The following TBL1XR1 variants were observed in gnomAD, a reference collection of about 807,000 sequenced individuals.
TBL1XR1 encodes the protein F-box-like/WD repeat-containing protein TBL1XR1.
TBL1XR1 carries 5 observed loss-of-function variants against 66.9 expected under a neutral mutation model. The ratio of observed to expected loss-of-function variants is 0.07; its 90% confidence interval spans 0.04 to 0.16. The LOEUF (loss-of-function observed/expected upper bound fraction) is 0.16, where lower values mean the gene tolerates loss of function less well. Among genes scored for constraint, TBL1XR1 ranks in the 10% least tolerant of loss-of-function variants. TBL1XR1 has a pLI of 1.00. For synonymous variants in TBL1XR1, 210 were observed against 206.0 expected, an observed-to-expected ratio of 1.02 and a Z score of -0.17; for missense variants, 238 against 623.2, an observed-to-expected ratio of 0.38 and a Z score of 6.58.
intron 1 of TBL1XR1, among the ~76,000 whole-genome samples, chr3:177,157,790 G>A (rs910164396): frequency 3.3e-5 from 5 of 152,166 alleles, no homozygotes; most frequent in Non-Finnish European, 7.4e-5. Context: ...GCGTGCCAAA[G>A]GGGACTAACT....
At chr3:177,054,273 G>C (rs1038652989) in intron 3 of TBL1XR1, among the ~76,000 whole-genome samples, 4 of 148,044 alleles carry the variant, frequency 2.7e-5, no homozygotes, top group African/African-American at 1.0e-4. Flanking sequence ...TAATTAAATT[G>C]CTTCATTTAA....
At chr3:177,180,759 G>A (rs1475374660) in intron 1 of TBL1XR1, among the ~76,000 whole-genome samples, 2 of 149,946 alleles carry the variant, frequency 1.3e-5, no homozygotes, top group Non-Finnish European at 3.0e-5. Flanking sequence ...TTTTTGAGAC[G>A]GAGATTTGCT....
At chr3:177,057,340 G>A (rs1717933597) in intron 3 of TBL1XR1, among the ~76,000 whole-genome samples, 1 of 152,188 alleles carries the variant, frequency 6.6e-6, no homozygotes, top group African/African-American at 2.4e-5. Context: ...GTTATCAACT[G>A]TGTGGCTATG....
chr3:177,035,778 C>G (rs762197355), intron 12 of TBL1XR1, among the ~76,000 whole-genome samples: 15 of 152,192 alleles, frequency 9.9e-5, no homozygotes, highest in Non-Finnish European at 1.8e-4. Flanking sequence ...AGTACACTAA[C>G]ACACAGATAT....
intron 2 of TBL1XR1, among the ~76,000 whole-genome samples, chr3:177,081,583 C>T (rs1721394967): frequency 1.3e-5 from 2 of 152,018 alleles, no homozygotes; most frequent in South Asian, 2.1e-4. Flanking sequence ...GACCTAATCT[C>T]TACAAAGAGT....
At chr3:177,166,334 A>G (rs1375744020) in intron 1 of TBL1XR1, among the ~76,000 whole-genome samples, 1 of 152,226 alleles carries the variant, frequency 6.6e-6, no homozygotes, top group Non-Finnish European at 1.5e-5. Context: ...AAATAGGCCA[A>G]GAATATTAAA....
At chr3:177,122,662 G>A (rs1437333502) in intron 1 of TBL1XR1, among the ~76,000 whole-genome samples, 1 of 152,070 alleles carries the variant, frequency 6.6e-6, no homozygotes, top group Non-Finnish European at 1.5e-5. Context: ...TGGATCAATG[G>A]CTTCTAGCAG....
intron 14 of TBL1XR1, among the ~76,000 whole-genome samples, chr3:177,031,391 G>T (rs1218480035): frequency 6.6e-6 from 1 of 150,726 alleles, no homozygotes; most frequent in African/African-American, 2.4e-5. Flanking sequence ...CTGGAGTGCC[G>T]TGGTGTGATC....
intron 1 of TBL1XR1, among the ~76,000 whole-genome samples, chr3:177,181,383 G>C (rs1734799999): frequency 6.6e-6 from 1 of 151,790 alleles, no homozygotes; most frequent in Non-Finnish European, 1.5e-5. Context: ...AGGAGGCTGA[G>C]GCATGAGAAT....
chr3:177,189,380 G>A (rs1735832261), intron 1 of TBL1XR1, among the ~76,000 whole-genome samples: 1 of 152,070 alleles, frequency 6.6e-6, no homozygotes, highest in Non-Finnish European at 1.5e-5. Context: ...AGCTGGGCGT[G>A]GTGGTACACG....
At chr3:177,200,263 T>A (rs1160715891), upstream of TBL1XR1, among the ~76,000 whole-genome samples, 7 of 152,168 alleles carry the variant, frequency 4.6e-5, no homozygotes, top group Admixed American at 4.6e-4. Flanking sequence ...TGAGCCACTG[T>A]GCCCGGCAGC....
intron 1 of TBL1XR1, among the ~76,000 whole-genome samples, chr3:177,130,172 A>G (rs1728129108): frequency 6.6e-6 from 1 of 151,556 alleles, no homozygotes; most frequent in Non-Finnish European, 1.5e-5. Context: ...AGAAAGAAAA[A>G]GAATAAATAA....
chr3:177,158,219 TGTTTC>T (rs370855051), intron 1 of TBL1XR1, among the ~76,000 whole-genome samples: 14 of 123,180 alleles, frequency 1.1e-4, no homozygotes, highest in African/African-American at 5.5e-5. Flanking sequence ...ATATAGGATT[TGTTTC>T]TTTTCTTTTT....
rs182501197 is a variant in TBL1XR1, at chr3:177,122,434, G to A, written c.-121-23893C>T. Reference sequence around the variant, plus strand: ...AAGTTCAGCATGTACCCTGAAAATTGCAAAGTAATGACCGAAATCCCTTAA... The same window carrying A: ...AAGTTCAGCATGTACCCTGAAAATTACAAAGTAATGACCGAAATCCCTTAA... On this transcript the variant is annotated intron_variant, in intron 1 of 15. Transcript: ENST00000457928. Among the ~76,000 whole-genome samples, 17 of 152,210 alleles carry A rather than the reference G, an allele frequency of 1.1e-4. No homozygotes were observed. In the East Asian group the frequency reaches 3.1e-3, roughly 28 times the overall value.
At chr3:177,098,163 G>C (rs908799480) in intron 2 of TBL1XR1, among the ~76,000 whole-genome samples, 2 of 151,960 alleles carry the variant, frequency 1.3e-5, no homozygotes, top group African/African-American at 4.8e-5. Flanking sequence ...AGTGAGCGGA[G>C]ATCACGCCAT....
At chr3:177,158,633 A>G (rs959986792) in intron 1 of TBL1XR1, among the ~76,000 whole-genome samples, 3 of 152,144 alleles carry the variant, frequency 2.0e-5, no homozygotes, top group Non-Finnish European at 4.4e-5. Context: ...TCCTGTTGCT[A>G]TGGTGTTGCT....
At chr3:177,125,302 C>T (rs1727473488) in intron 1 of TBL1XR1, among the ~76,000 whole-genome samples, 1 of 152,054 alleles carries the variant, frequency 6.6e-6, no homozygotes, top group Non-Finnish European at 1.5e-5. Flanking sequence ...TGAAAATACG[C>T]TCAACATCAC....
At chr3:177,046,440 GC>G (rs1025414999) in intron 9 of TBL1XR1, among the ~76,000 whole-genome samples, 4 of 152,002 alleles carry the variant, frequency 2.6e-5, no homozygotes, top group African/African-American at 9.7e-5. Context: ...TCTACAAAGG[GC>G]CAGGCATTAT....
At chr3:177,069,803 A>AGGGAAGGAAG (rs1560139034) in intron 2 of TBL1XR1, among the ~76,000 whole-genome samples, 4 of 113,092 alleles carry the variant, frequency 3.5e-5, no homozygotes, top group African/African-American at 9.6e-5. Context: ...AAAGGAAGGA[A>AGGGAAGGAAG]GGAAGGAAGG....
Sources: allele counts gnomAD v4.1 joint callset (sites outside exome capture counted in the v4.1 genomes callset), GRCh38; gene constraint gnomAD v4.1.1; transcripts MANE v1.5; gene names NCBI Gene and HGNC (gene_info 2026-07-23, HGNC 2026-07-21).